Variants in ARHGEF1 observed in about 807,000 individuals in gnomAD.
The protein encoded by ARHGEF1 is Rho guanine nucleotide exchange factor 1.
Under a neutral mutation model 119.7 loss-of-function variants are expected in ARHGEF1, and 40 were observed. The observed-to-expected ratio is 0.33, with a 90% CI of 0.26 to 0.44. The LOEUF (loss-of-function observed/expected upper bound fraction) is 0.44. Among genes scored for constraint, ARHGEF1 ranks in the 20% least tolerant of loss-of-function variants. The pLI is 1.00. For synonymous variants in ARHGEF1, 494 were observed against 521.0 expected (o/e 0.95, Z 0.71); for missense variants, 976 against 1,268.3 (o/e 0.77, Z 3.50).
At chr19:41,915,956 C>G (rs559947959) in intron 18 of ARHGEF1, among the ~76,000 whole-genome samples, 1 of 151,800 alleles carries the variant, frequency 6.6e-6, no homozygotes, top group African/African-American at 2.4e-5. Flanking sequence ...CGCCGGCCGG[C>G]GTGGTGCGGA....
chr19:41,888,913 G>C lies in ARHGEF1; in HGVS notation c.225+48G>C, dbSNP rs1555845758. 1 of 1,523,616 alleles carries C rather than the reference G, an allele frequency of 6.6e-7. No individual in the cohort carries two copies. 94.4% of individuals were successfully genotyped at this position (1,523,616 alleles called of 1,614,324 possible). A position where few individuals can be genotyped will look rare whatever the true frequency, so the allele number is the denominator to read the frequency against. ...ACAGGGAGGGGTGGGGCTGGGACAG[G>C]CACAGCTTTTAGCGAATTAAACCAG... On this transcript the variant is annotated intron_variant, in intron 4 of 28. Coordinates refer to ENST00000354532, the MANE Select transcript of ARHGEF1 (RefSeq NM_004706.4). This position sits in a 1 kb window ranked among gnomAD's most constrained non-coding sequence, Gnocchi z 5.1.
upstream of ARHGEF1, among the ~76,000 whole-genome samples, chr19:41,919,113 A>T (rs1471781521): frequency 1.3e-5 from 2 of 151,172 alleles, no homozygotes; most frequent in Middle Eastern, 3.5e-3. Flanking sequence ...TAACACACAT[A>T]CCACACACAT....
chr19:41,907,013 C>G (rs761762966), intron 28 of ARHGEF1, 92 bp from the exon 29 acceptor site: 16 of 1,262,402 alleles, frequency 1.3e-5, no homozygotes, highest in Admixed American at 2.9e-5. Context: ...CTCCCCTTCT[C>G]TCTCTGCTCT....
At chr19:41,926,698 C>CGCG (rs1555853298) in intron 1 of ARHGEF1, among the ~76,000 whole-genome samples, 1 of 150,832 alleles carries the variant, frequency 6.6e-6, no homozygotes, top group East Asian at 2.0e-4. Flanking sequence ...GCGTCTGGGC[C>CGCG]GCGGCGGCCG....
chr19:41,884,334 A>G (rs913618225), intron 1 of ARHGEF1: 1 of 1,310,980 alleles, frequency 7.6e-7, no homozygotes, highest in South Asian at 1.3e-5. Context: ...GCCCGGCAGG[A>G]GCCGGGCTAG....
In ARHGEF1 at chr19:41,903,928, A is replaced by T; in HGVS notation, c.1918-107A>T. Reference sequence around the variant, plus strand: ...TCCCCCACCTCATGCCAATCCCATGATCCCCAGCCTGTGGTCATCCCCGGC... The same window carrying T: ...TCCCCCACCTCATGCCAATCCCATGTTCCCCAGCCTGTGGTCATCCCCGGC... On this transcript the variant is annotated intron_variant, in intron 20 of 28. Transcript: ENST00000354532. This position sits in a 1 kb window ranked among gnomAD's most constrained non-coding sequence, Gnocchi z 4.2. 1 of 1,373,810 alleles carries T rather than the reference A, an allele frequency of 7.3e-7. No homozygotes were observed. The highest frequency in any genetic ancestry group is 1.0e-6 in the Non-Finnish European group (1 of 977,962). 85.1% of individuals were successfully genotyped at this position (1,373,810 alleles called of 1,614,324 possible).
In ARHGEF1 at chr19:41,906,598, A is replaced by C; in HGVS notation, c.2633A>C (p.Glu878Ala). 8.7e-6 allele frequency: 14 copies of C among 1,606,512 alleles called. No individual in the cohort carries two copies. The highest frequency in any genetic ancestry group is 1.2e-5 in the Non-Finnish European group (14 of 1,177,580). ...ATCCAGGAGAACCTGCTCAGCTTGG[A>C]GGAGACCATGAAGCAGCTGGAGGTG... ...QEIQENLLSL[E>A]ETMKQLEELE... Residue 878 changes from glutamate to alanine, a missense_variant, in exon 27 of 29, where the codon GAG becomes GCG. Coordinates refer to ENST00000354532, the MANE Select transcript of ARHGEF1 (RefSeq NM_004706.4). This position sits in a 1 kb window ranked among gnomAD's most constrained non-coding sequence, Gnocchi z 4.5.
Position 41,892,587 on chromosome 19 carries a change from A to G in ARHGEF1, c.368-16A>G. ...ACCAGGGAGCTGGACCCTAGCCCCC[A>G]TGTGTGTCCCTGCAGACCGCACTAG... On this transcript the variant is annotated splice_polypyrimidine_tract_variant and intron_variant, in intron 6 of 28. Transcript: ENST00000354532. The surrounding 1 kb of genome is among the most constrained non-coding windows in gnomAD (Gnocchi z 6.3). 1.3e-5 allele frequency: 20 copies of G among 1,572,308 alleles called. No individual in the cohort carries two copies. Among genetic ancestry groups the G allele is most frequent in the Non-Finnish European group, 1.7e-5 (20 of 1,153,744 alleles).
In ARHGEF1 at chr19:41,895,415, G is replaced by T; in HGVS notation, c.944G>T (p.Gly315Val). 1.2e-6 allele frequency: 2 copies of T among 1,612,782 alleles called. No homozygotes were observed. Among genetic ancestry groups the T allele is most frequent in the Non-Finnish European group, 1.7e-6 (2 of 1,179,616 alleles). ...VGMPSRDRNI[G>V]APGQDTPGVS... ...ATGCCCTCTCGGGACCGGAATATCG[G>T]GGCTCCTGGGCAGGACACCCCTGGA... Residue 315 changes from glycine to valine, a missense_variant, in exon 12 of 29, where the codon GGG becomes GTG. Coordinates refer to ENST00000354532, the MANE Select transcript of ARHGEF1 (RefSeq NM_004706.4).
intron 1 of ARHGEF1, chr19:41,884,581 C>G: frequency 6.5e-7 from 1 of 1,537,888 alleles, no homozygotes; most frequent in Non-Finnish European, 8.8e-7. Context: ...CCACGTCCCC[C>G]GTAGGATTTA....
intron 1 of ARHGEF1, 138 bp from the exon 2 acceptor site, chr19:41,887,925 CA>C: frequency 1.0e-6 from 1 of 978,934 alleles, no homozygotes; most frequent in Non-Finnish European, 1.5e-6. Flanking sequence ...TGTGGCCACA[CA>C]GAGGCCCCAT....
chr19:41,887,546 G>T (rs1383785569), intron 1 of ARHGEF1, among the ~76,000 whole-genome samples: 2 of 152,198 alleles, frequency 1.3e-5, no homozygotes, highest in African/African-American at 2.4e-5. Context: ...GGGGGTTGGG[G>T]GTTTGCCATT....
chr19:41,899,505 C>CTTTTT (rs575816890), intron 14 of ARHGEF1, among the ~76,000 whole-genome samples: 1 of 101,766 alleles, frequency 9.8e-6, no homozygotes, highest in African/African-American at 4.6e-5. Context: ...AAAGAGAAAG[C>CTTTTT]TTTTTTTTTT....
exon 1 of ARHGEF1, chr19:41,923,219 T>G: frequency 2.2e-6 from 1 of 456,000 alleles, no homozygotes; most frequent in Non-Finnish European, 4.4e-6. Flanking sequence ...GAGGTGAGCC[T>G]GGACTTGAAT....
intron 8 of ARHGEF1, 122 bp from the exon 9 acceptor site, chr19:41,894,085 G>A (rs1272466105): frequency 1.7e-6 from 1 of 605,176 alleles, no homozygotes; most frequent in Non-Finnish European, 2.6e-6. Context: ...GGTCAGGATG[G>A]GAAGGCCGGG....
At chr19:41,885,349 A>G (rs936107988) in intron 1 of ARHGEF1, among the ~76,000 whole-genome samples, 1 of 152,246 alleles carries the variant, frequency 6.6e-6, no homozygotes, top group Non-Finnish European at 1.5e-5. Context: ...CCAGGCATCC[A>G]TAAGAAGACA....
intron 4 of ARHGEF1, among the ~76,000 whole-genome samples, chr19:41,891,615 T>C (rs1184370594): frequency 1.3e-5 from 2 of 152,202 alleles, no homozygotes; most frequent in East Asian, 3.8e-4. Flanking sequence ...CTAAACTTCT[T>C]GAGCTCCGTT....
At chr19:41,928,592 A>AGGC (rs1297311398) in intron 1 of ARHGEF1, 25 of 181,604 alleles carry the variant, frequency 1.4e-4, no homozygotes, top group South Asian at 7.3e-4. Context: ...AGATATATGG[A>AGGC]GGCGGCGGCG....
rs1369508438 is a variant in ARHGEF1, at chr19:41,903,855, C to A, written c.1917+71C>A. Reference sequence around the variant, plus strand: ...CCAGGGGATTCTGTGATACAGCCCCCAGCCTGTCCTGCCCATCCCATAATA... The same window carrying A: ...CCAGGGGATTCTGTGATACAGCCCCAAGCCTGTCCTGCCCATCCCATAATA... On this transcript the variant is annotated intron_variant, in intron 20 of 28. Coordinates refer to ENST00000354532, the MANE Select transcript of ARHGEF1 (RefSeq NM_004706.4). The surrounding 1 kb of genome is among the most constrained non-coding windows in gnomAD (Gnocchi z 4.2). 2 of 1,525,594 alleles carry A rather than the reference C, an allele frequency of 1.3e-6. No homozygotes were observed. Among genetic ancestry groups the A allele is most frequent in the South Asian group, 2.3e-5 (2 of 88,690 alleles). The allele number at this position is 1,525,594 out of a possible 1,614,324, so 94.5% of individuals were successfully genotyped here. A position where few individuals can be genotyped will look rare whatever the true frequency, so the allele number is the denominator to read the frequency against.
Sources: gnomAD v4.1 joint callset for allele counts (sites outside exome capture counted in the v4.1 genomes callset) on GRCh38, gnomAD v4.1.1 for gene constraint, Gnocchi (gnomAD v3.1) non-coding constraint, MANE v1.5 for transcripts, NCBI Gene and HGNC (gene_info 2026-07-23, HGNC 2026-07-21) for gene names.